The following EPHA6 variants were observed in gnomAD, a reference collection of about 807,000 sequenced individuals.
The protein encoded by EPHA6 is EPH receptor A6.
EPHA6 carries 50 observed loss-of-function variants against 112.0 expected under a neutral mutation model. That is an observed-to-expected ratio of 0.45 (90% CI 0.36 to 0.56). EPHA6 has a LOEUF of 0.56. EPHA6 is among the 20% of genes least tolerant of loss of function. The probability of loss-of-function intolerance (pLI) is 0.00; values close to 1 mark genes in which losing one functional copy is unlikely to be tolerated. For synonymous variants in EPHA6, 529 were observed against 490.7 expected (o/e 1.08, Z -1.03); for missense variants, 1,280 against 1,417.4 (o/e 0.90, Z 1.56).
At chr3:97,131,019 G>A (rs2048322937) in intron 3 of EPHA6, among the ~76,000 whole-genome samples, 1 of 151,930 alleles carries the variant, frequency 6.6e-6, no homozygotes, top group African/African-American at 2.4e-5. Flanking sequence ...ATTCCATCAG[G>A]AAAAATCAAT....
intron 3 of EPHA6, among the ~76,000 whole-genome samples, chr3:97,085,462 A>C (rs2046863854): frequency 6.6e-6 from 1 of 152,174 alleles, no homozygotes; most frequent in Non-Finnish European, 1.5e-5. Flanking sequence ...GATCCTATGT[A>C]ATGGCTGGAT....
chr3:97,495,383 A>C (rs1193090704), intron 10 of EPHA6, among the ~76,000 whole-genome samples: 4 of 151,574 alleles, frequency 2.6e-5, no homozygotes, highest in African/African-American at 9.7e-5. Context: ...TAGATAGGTA[A>C]AGAATGTATA....
chr3:96,868,305 G>C (rs961990372), intron 2 of EPHA6, among the ~76,000 whole-genome samples: 5 of 151,434 alleles, frequency 3.3e-5, no homozygotes, highest in Non-Finnish European at 7.4e-5. Context: ...TAGTGAAGAG[G>C]ATAGATTACT....
chr3:97,303,617 A>G (rs998687200), intron 5 of EPHA6, among the ~76,000 whole-genome samples: 1 of 152,032 alleles, frequency 6.6e-6, no homozygotes, highest in African/African-American at 2.4e-5. Flanking sequence ...TAGAAAGATT[A>G]CAGAGAGAAA....
intron 3 of EPHA6, among the ~76,000 whole-genome samples, chr3:97,038,335 T>G (rs1229402363): frequency 6.6e-6 from 1 of 152,008 alleles, no homozygotes; most frequent in Non-Finnish European, 1.5e-5. Flanking sequence ...TGGACTGTGG[T>G]AACCACCAGT....
At chr3:97,456,861 A>T (rs1321260859) in intron 7 of EPHA6, among the ~76,000 whole-genome samples, 4 of 152,132 alleles carry the variant, frequency 2.6e-5, no homozygotes, top group African/African-American at 9.7e-5. Context: ...TTGAATTCTT[A>T]AAGAGAGCAA....
chr3:97,230,908 C>T (rs1239714720), intron 4 of EPHA6, among the ~76,000 whole-genome samples: 1 of 152,094 alleles, frequency 6.6e-6, no homozygotes, highest in East Asian at 1.9e-4. Context: ...CTTAGTGATC[C>T]TTCTCTTCCT....
At chr3:97,121,877 T>C (rs2048051167) in intron 3 of EPHA6, among the ~76,000 whole-genome samples, 2 of 152,018 alleles carry the variant, frequency 1.3e-5, no homozygotes, top group Admixed American at 1.3e-4. Flanking sequence ...GAACACCAAG[T>C]CACCAGCCTA....
intron 12 of EPHA6, among the ~76,000 whole-genome samples, chr3:97,600,990 G>C (rs1266735659): frequency 6.6e-6 from 1 of 151,718 alleles, no homozygotes; most frequent in African/African-American, 2.4e-5. Flanking sequence ...TCTAGCCTTT[G>C]GCCTTAACTA....
intron 5 of EPHA6, among the ~76,000 whole-genome samples, chr3:97,372,841 C>G (rs1391465924): frequency 1.3e-5 from 2 of 151,962 alleles, no homozygotes; most frequent in Non-Finnish European, 2.9e-5. Flanking sequence ...TAGCTGGACT[C>G]CAGGTAAATG....
At chr3:97,635,620 C>T (rs1004957099) in intron 13 of EPHA6, among the ~76,000 whole-genome samples, 1 of 151,966 alleles carries the variant, frequency 6.6e-6, no homozygotes, top group African/African-American at 2.4e-5. Flanking sequence ...AGAAAGTAGA[C>T]TACTGGTTGC....
chr3:97,574,863 A>T (rs2093367797), intron 11 of EPHA6, among the ~76,000 whole-genome samples: 1 of 152,138 alleles, frequency 6.6e-6, no homozygotes, highest in African/African-American at 2.4e-5. Flanking sequence ...GGGACTCCAA[A>T]AACTGGAGGG....
intron 11 of EPHA6, among the ~76,000 whole-genome samples, chr3:97,561,035 G>A (rs1253213044): frequency 6.6e-6 from 1 of 151,870 alleles, no homozygotes; most frequent in East Asian, 1.9e-4. Context: ...ATGTAAGATG[G>A]TAAACTTAAT....
chr3:97,445,346 G>A (rs548338155), intron 6 of EPHA6, among the ~76,000 whole-genome samples: 45 of 152,094 alleles, frequency 3.0e-4, no homozygotes, highest in African/African-American at 8.7e-4. Flanking sequence ...TGCAACCCAC[G>A]CAACTATGCC....
chr3:97,235,448 A>C (rs1000353090), intron 4 of EPHA6, among the ~76,000 whole-genome samples: 1 of 152,062 alleles, frequency 6.6e-6, no homozygotes, highest in Non-Finnish European at 1.5e-5. Flanking sequence ...CCTGACTTCA[A>C]AATAGCCTTT....
intron 1 of EPHA6, among the ~76,000 whole-genome samples, chr3:96,846,989 A>G (rs927156398): frequency 6.6e-6 from 1 of 152,050 alleles, no homozygotes; most frequent in Non-Finnish European, 1.5e-5. Flanking sequence ...TATGGTAGCA[A>G]TAGTAACAGT....
rs1291091599 is a variant in EPHA6 at position 97,375,493 on chromosome 3, G to A, written c.1607-29657G>A. ...TATTTTCAGTTATATTGTATAAAGT[G>A]ACATCTTAATTTTATTTATTTATGC... On this transcript the variant is annotated intron_variant, in intron 5 of 17. Transcript: ENST00000389672. Among the ~76,000 whole-genome samples the A allele has an allele frequency of 2.6e-5, 4 of 152,194 alleles. No individual in the cohort carries two copies. In the East Asian group the frequency reaches 7.7e-4, roughly 29 times the overall value.
chr3:96,882,659 G>T (rs2037381999), intron 2 of EPHA6, among the ~76,000 whole-genome samples: 1 of 151,760 alleles, frequency 6.6e-6, no homozygotes, highest in Non-Finnish European at 1.5e-5. Context: ...ATAGTCTCCA[G>T]TCTCATCCAG....
chr3:97,129,931 C>A (rs1223291341), intron 3 of EPHA6, among the ~76,000 whole-genome samples: 2 of 152,132 alleles, frequency 1.3e-5, no homozygotes, highest in African/African-American at 4.8e-5. Context: ...TCTGGCTAAA[C>A]TGATACAGCA....
Sources: allele counts gnomAD v4.1 joint callset (sites outside exome capture counted in the v4.1 genomes callset), GRCh38; gene constraint gnomAD v4.1.1; transcripts MANE v1.5; gene names NCBI Gene and HGNC (gene_info 2026-07-23, HGNC 2026-07-21).